Variants in PDIA5 observed in about 807,000 individuals in gnomAD.
PDIA5 encodes the protein protein disulfide-isomerase A5.
PDIA5 carries 58 observed loss-of-function variants against 77.6 expected under a neutral mutation model. The ratio of observed to expected loss-of-function variants is 0.75; its 90% CI spans 0.61 to 0.93. PDIA5 has a LOEUF of 0.93. PDIA5 is among the 40% of genes least tolerant of loss of function. PDIA5 has a pLI of 0.00. For synonymous variants in PDIA5, 250 were observed against 252.1 expected, an observed-to-expected ratio of 0.99 and a Z score of 0.08; for missense variants, 630 against 647.7, an observed-to-expected ratio of 0.97 and a Z score of 0.30.
At chr3:123,123,955 G>C in intron 8 of PDIA5, 111 bp from the exon 9 acceptor site, 2 of 735,602 alleles carry the variant, frequency 2.7e-6, no homozygotes, top group Non-Finnish European at 4.9e-6. Flanking sequence ...AGTCTGTGGG[G>C]CTTTGTCCCA....
intron 5 of PDIA5, 109 bp from the exon 6 acceptor site, chr3:123,106,640 G>A: frequency 1.3e-6 from 1 of 747,342 alleles, no homozygotes; most frequent in South Asian, 1.5e-5. Context: ...GAGCTCAGCA[G>A]CTGGTGTGCC....
intron 11 of PDIA5, among the ~76,000 whole-genome samples, chr3:123,132,756 C>G (rs554711887): frequency 3.3e-5 from 5 of 152,308 alleles, no homozygotes; most frequent in African/African-American, 1.2e-4. Flanking sequence ...AATCACCATC[C>G]TTGCACCCCT....
chr3:123,087,975 G>T (rs1461048950), intron 1 of PDIA5, among the ~76,000 whole-genome samples: 1 of 152,202 alleles, frequency 6.6e-6, no homozygotes, highest in Non-Finnish European at 1.5e-5. Context: ...TGGCATTCCA[G>T]AGAAGGGAAG....
chr3:123,154,451 G>A (rs553630962), intron 14 of PDIA5, among the ~76,000 whole-genome samples: 7 of 152,296 alleles, frequency 4.6e-5, no homozygotes, highest in African/African-American at 1.4e-4. Context: ...TGGGCTGGGT[G>A]GAGGTTGCTA....
At chr3:123,160,801 A>T (rs746958710) in intron 15 of PDIA5, among the ~76,000 whole-genome samples, 1 of 152,014 alleles carries the variant, frequency 6.6e-6, no homozygotes, top group Admixed American at 6.6e-5. Context: ...TATTATCCCC[A>T]TTTTACAGCT....
rs1394616599 is a variant in PDIA5, at chr3:123,130,733, G to C, written c.910+117G>C. On this transcript the variant is annotated intron_variant, in intron 11 of 16. Coordinates refer to ENST00000316218, the MANE Select transcript of PDIA5 (RefSeq NM_006810.4). ...TTATTTTTTGGATGCCAGGACCCAT[G>C]CTAAGCCAGGGGATGCAGTGGTGAC... 2.6e-6 allele frequency: 3 copies of C among 1,162,376 alleles called. No homozygotes were observed. The Admixed American group carries it at 5.7e-5, about 22-fold the overall frequency. The allele number at this position is 1,162,376 out of a possible 1,614,324, so 72.0% of individuals were successfully genotyped here.
At chr3:123,071,793 C>T (rs146432569) in intron 1 of PDIA5, among the ~76,000 whole-genome samples, 3 of 152,268 alleles carry the variant, frequency 2.0e-5, no homozygotes, top group Non-Finnish European at 2.9e-5. Flanking sequence ...CAGGGAGCCC[C>T]CTGTCCTGGC....
chr3:123,139,811 T>G (rs2107975419), intron 11 of PDIA5, among the ~76,000 whole-genome samples: 1 of 152,308 alleles, frequency 6.6e-6, no homozygotes, highest in East Asian at 1.9e-4. Context: ...ATGAGGCTAA[T>G]TCATTCAGAA....
intron 11 of PDIA5, among the ~76,000 whole-genome samples, chr3:123,142,091 G>A (rs2107977783): frequency 6.6e-6 from 1 of 152,322 alleles, no homozygotes. Flanking sequence ...GAATGTCAGT[G>A]CCTGGGAGGC....
chr3:123,134,693 C>T (rs1478412954), intron 11 of PDIA5, among the ~76,000 whole-genome samples: 2 of 152,236 alleles, frequency 1.3e-5, no homozygotes, highest in Non-Finnish European at 2.9e-5. Flanking sequence ...CCAACTGATG[C>T]CTAAGTTGTC....
chr3:123,140,635 G>A (rs1289213503), intron 11 of PDIA5, among the ~76,000 whole-genome samples: 1 of 152,126 alleles, frequency 6.6e-6, no homozygotes, highest in Non-Finnish European at 1.5e-5. Context: ...GAGGTGGCAG[G>A]TGGTGATGGC....
At chr3:123,072,839 G>C (rs1213982954) in intron 1 of PDIA5, among the ~76,000 whole-genome samples, 1 of 152,070 alleles carries the variant, frequency 6.6e-6, no homozygotes, top group Non-Finnish European at 1.5e-5. Context: ...GAATGCATGG[G>C]GTATAAGGAG....
chr3:123,088,415 C>G (rs1449693929), intron 1 of PDIA5, among the ~76,000 whole-genome samples: 1 of 152,158 alleles, frequency 6.6e-6, no homozygotes, highest in East Asian at 1.9e-4. Context: ...AACCTCTCAC[C>G]CATCCATTCC....
intron 3 of PDIA5, among the ~76,000 whole-genome samples, chr3:123,101,905 G>GTTTTTTTTT (rs1576443240): frequency 1.1e-4 from 3 of 26,484 alleles, no homozygotes; most frequent in Admixed American, 4.0e-4. Flanking sequence ...TTTCTTTCTT[G>GTTTTTTTTT]CTTTTTTTTT....
intron 3 of PDIA5, 40 bp downstream of exon 3, chr3:123,092,482 G>T (rs1359629606): frequency 2.6e-5 from 38 of 1,456,018 alleles, no homozygotes; most frequent in Non-Finnish European, 3.3e-5. Flanking sequence ...CTGCTGGGCA[G>T]AGGGGCACTT....
intron 10 of PDIA5, among the ~76,000 whole-genome samples, chr3:123,126,461 C>T (rs1935248488): frequency 6.6e-6 from 1 of 152,188 alleles, no homozygotes; most frequent in South Asian, 2.1e-4. Context: ...TTCAGAGATA[C>T]TCAACTAAGA....
intron 4 of PDIA5, 69 bp downstream of exon 4, chr3:123,102,563 C>A (rs1289127464): frequency 4.9e-6 from 6 of 1,230,558 alleles, no homozygotes; most frequent in African/African-American, 4.5e-5. Context: ...TTTCAGCGAA[C>A]AGCAATTTTT....
At chr3:123,151,867 TCCTGCCCG>T (rs200606245) in intron 14 of PDIA5, among the ~76,000 whole-genome samples, 2 of 127,242 alleles carry the variant, frequency 1.6e-5, no homozygotes, top group African/African-American at 3.1e-5. Context: ...CCTCCTTCCT[TCCTGCCCG>T]CCTTCCTGCC....
chr3:123,072,272 G>GA (rs1235319841), intron 1 of PDIA5, among the ~76,000 whole-genome samples: 2 of 152,196 alleles, frequency 1.3e-5, no homozygotes, highest in Non-Finnish European at 2.9e-5. Context: ...CTTGGGCCCT[G>GA]CCTCAGTTTT....
Sources: gnomAD v4.1 joint callset for allele counts (sites outside exome capture counted in the v4.1 genomes callset) on GRCh38, gnomAD v4.1.1 for gene constraint, MANE v1.5 for transcripts, NCBI Gene and HGNC (gene_info 2026-07-23, HGNC 2026-07-21) for gene names.